METTL8: variants seen among roughly 807,000 people sequenced by gnomAD.
METTL8 encodes the protein methyltransferase 8, tRNA N3-cytidine, also known as tRNA N(3)-cytidine methyltransferase METTL8, mitochondrial.
A neutral mutation model predicts 48.7 loss-of-function variants in METTL8; 32 were observed. The observed-to-expected ratio is 0.66, with a 90% CI of 0.50 to 0.88. The LOEUF (loss-of-function observed/expected upper bound fraction) is 0.88. Ranked by LOEUF, METTL8 falls within the 40% of genes least tolerant of loss-of-function variation. METTL8 has a pLI of 0.00. For synonymous variants in METTL8, 136 were observed against 157.1 expected (o/e 0.87, Z 1.01); for missense variants, 464 against 474.4 (o/e 0.98, Z 0.20).
intron 3 of METTL8, among the ~76,000 whole-genome samples, chr2:171,351,406 A>C (rs1222196895): frequency 1.3e-5 from 2 of 152,200 alleles, no homozygotes; most frequent in Admixed American, 1.3e-4. Context: ...TGATGCCTCC[A>C]GGTTTGCTCT....
chr2:171,430,738 A>G (rs1332521038), intron 1 of METTL8, among the ~76,000 whole-genome samples: 4 of 152,056 alleles, frequency 2.6e-5, no homozygotes, highest in African/African-American at 9.7e-5. Flanking sequence ...GTGAAACCTG[A>G]CCTTCAAGCT....
At chr2:171,399,302 T>C (rs1448289717) in intron 1 of METTL8, among the ~76,000 whole-genome samples, 1 of 152,158 alleles carries the variant, frequency 6.6e-6, no homozygotes, top group Non-Finnish European at 1.5e-5. Context: ...AAATTGCATT[T>C]ATTATGCTAC....
intron 1 of METTL8, among the ~76,000 whole-genome samples, chr2:171,429,834 G>A (rs1692803309): frequency 6.6e-6 from 1 of 152,138 alleles, no homozygotes; most frequent in Admixed American, 6.5e-5. Context: ...GAGGTCAGGA[G>A]TTTGAGACCA....
intron 3 of METTL8, among the ~76,000 whole-genome samples, chr2:171,347,446 T>C (rs1683396815): frequency 1.3e-5 from 2 of 152,236 alleles, no homozygotes; most frequent in South Asian, 2.1e-4. Flanking sequence ...TAGGACAAAA[T>C]AGGCAGCCAC....
chr2:171,337,483 T>C lies in METTL8; in HGVS notation c.626A>G (p.Asn209Ser), dbSNP rs1007415697. 2 of 1,606,366 alleles carry C rather than the reference T, an allele frequency of 1.2e-6. No homozygotes were observed. Among genetic ancestry groups the C allele is most frequent in the African/African-American group, 1.3e-5 (1 of 74,722 alleles). ...RILEVGCGAGNSVFPILNTLE... is the reference protein window; with the variant it reads ...RILEVGCGAGSSVFPILNTLE... ...AGTGTTCAAAATTGGAAACACACTA[T>C]TTCCAGCTCCACAACCAACCTAAAA... The change falls in exon 5 of 10, where the codon AAT becomes AGT. Residue 209 changes from asparagine to serine, a missense_variant. Physicochemically the swap from Asn to Ser is conservative, Grantham distance 46. Coordinates refer to ENST00000375258, the MANE Select transcript of METTL8 (RefSeq NM_001321154.2).
chr2:171,357,706 T>C (rs1684735910), intron 3 of METTL8, among the ~76,000 whole-genome samples: 1 of 152,036 alleles, frequency 6.6e-6, no homozygotes, highest in Non-Finnish European at 1.5e-5. Context: ...CTCTCTTTTT[T>C]TTTTTTGAGA....
chr2:171,323,154 C>T lies in METTL8; in HGVS notation c.*1018G>A, dbSNP rs1684616331. ...CCTAGTAGGTCTCAGCTTCATTTTA[C>T]ACAGTCCCTATTCAAGATGAAGTTG... On this transcript the variant is annotated 3_prime_UTR_variant, in exon 10 of 10. Coordinates refer to ENST00000375258, the MANE Select transcript of METTL8 (RefSeq NM_001321154.2). 6.6e-6 allele frequency: 1 copy of T among 151,248 alleles called. No homozygotes were observed. Among genetic ancestry groups the T allele is most frequent in the Non-Finnish European group, 1.5e-5 (1 of 67,800 alleles). The allele number at this position is 151,248 out of a possible 1,614,324, so 9.4% of individuals were successfully genotyped here. A position where few individuals can be genotyped will look rare whatever the true frequency, so the allele number is the denominator to read the frequency against.
intron 1 of METTL8, among the ~76,000 whole-genome samples, chr2:171,430,943 T>C (rs1012805265): frequency 3.5e-4 from 53 of 152,158 alleles, no homozygotes; most frequent in African/African-American, 1.3e-3. Context: ...TTAGCCTATT[T>C]TGCATACTCA....
chr2:171,359,265 A>G (rs998884096), intron 3 of METTL8, among the ~76,000 whole-genome samples: 4 of 152,204 alleles, frequency 2.6e-5, no homozygotes, highest in African/African-American at 4.8e-5. Flanking sequence ...AAAATGCTCA[A>G]TATCACTAAT....
chr2:171,385,143 T>C (rs1191774672), intron 2 of METTL8, among the ~76,000 whole-genome samples: 1 of 152,010 alleles, frequency 6.6e-6, no homozygotes, highest in East Asian at 1.9e-4. Flanking sequence ...CTAGGTGTGG[T>C]GGCTCATGCC....
chr2:171,371,742 C>T (rs1018265708), intron 2 of METTL8, among the ~76,000 whole-genome samples: 33 of 152,056 alleles, frequency 2.2e-4, no homozygotes, highest in Admixed American at 6.6e-4. Flanking sequence ...AGCAATCTTT[C>T]GGCCTCAGCC....
chr2:171,339,618 T>A, intron 3 of METTL8, 64 bp from the exon 4 acceptor site: 4 of 857,562 alleles, frequency 4.7e-6, no homozygotes, highest in Non-Finnish European at 6.9e-6. Context: ...TTAGCTACTG[T>A]CTTGATAATT....
Position 171,369,822 on chromosome 2 carries a change from T to C in METTL8, c.144-9309A>G, listed in dbSNP as rs545500504. ...GTGGCTCACACCTGTAATACCAGCA[T>C]TTTGGGAGGCCAAGGCGGGCGGATC... On this transcript the variant is annotated intron_variant, in intron 2 of 9. Coordinates refer to ENST00000375258, the MANE Select transcript of METTL8 (RefSeq NM_001321154.2). Among the ~76,000 whole-genome samples, 480 of 152,114 alleles carry C rather than the reference T, an allele frequency of 3.2e-3. 5 individuals carry two copies. Among genetic ancestry groups the C allele is most frequent in the Middle Eastern group, 0.01 (3 of 294 alleles).
intron 3 of METTL8, among the ~76,000 whole-genome samples, chr2:171,345,839 T>A (rs1687212897): frequency 6.6e-6 from 1 of 152,212 alleles, no homozygotes. Flanking sequence ...TAGGAAATTA[T>A]AAAATATAAT....
intron 1 of METTL8, among the ~76,000 whole-genome samples, chr2:171,416,354 G>A (rs1355147165): frequency 6.6e-6 from 1 of 152,204 alleles, no homozygotes; most frequent in Non-Finnish European, 1.5e-5. Context: ...GTATTCTCCA[G>A]CTAATTTCAG....
At chr2:171,354,542 C>G (rs1179987808) in intron 3 of METTL8, among the ~76,000 whole-genome samples, 2 of 152,204 alleles carry the variant, frequency 1.3e-5, no homozygotes, top group Non-Finnish European at 2.9e-5. Flanking sequence ...TGGATAATAT[C>G]CTGAAGAGTG....
At chr2:171,422,271 G>C (rs1039436402) in intron 1 of METTL8, among the ~76,000 whole-genome samples, 1 of 152,172 alleles carries the variant, frequency 6.6e-6, no homozygotes, top group Non-Finnish European at 1.5e-5. Flanking sequence ...TCTGGAACAA[G>C]TGATTATTCA....
intron 1 of METTL8, among the ~76,000 whole-genome samples, chr2:171,392,471 T>C (rs539114382): frequency 6.6e-6 from 1 of 152,324 alleles, no homozygotes; most frequent in South Asian, 2.1e-4. Flanking sequence ...ATTTGCTTAT[T>C]TAATTTTTAG....
In METTL8 at chr2:171,422,285, AC is replaced by A. The variant is rs1381589849; in HGVS notation, c.-13+11597del. ...GTCTGGAACAAGTGATTATTCATATACAAAAAATAATAATAATGAAAGGATC... is the reference window on the plus strand; with the variant it reads ...GTCTGGAACAAGTGATTATTCATATAAAAAAATAATAATAATGAAAGGATC... On this transcript the variant is annotated intron_variant, in intron 1 of 9. Coordinates refer to ENST00000375258, the MANE Select transcript of METTL8 (RefSeq NM_001321154.2). Among the ~76,000 whole-genome samples, 3 of 152,224 alleles carry A rather than the reference AC, an allele frequency of 2.0e-5. No individual in the cohort carries two copies. The East Asian group carries it at 5.8e-4, about 29-fold the overall frequency.
Sources: gnomAD v4.1 joint callset for allele counts (sites outside exome capture counted in the v4.1 genomes callset) on GRCh38, gnomAD v4.1.1 for gene constraint, MANE v1.5 for transcripts, NCBI Gene and HGNC (gene_info 2026-07-23, HGNC 2026-07-21) for gene names.